The following SEMA4G variants were observed in gnomAD, a reference collection of about 807,000 sequenced individuals.
The protein encoded by SEMA4G is semaphorin 4G, also known as semaphorin-4G.
SEMA4G carries 59 observed loss-of-function variants against 81.2 expected under a neutral mutation model. That is an observed-to-expected ratio of 0.73 (90% CI 0.59 to 0.90). The LOEUF (loss-of-function observed/expected upper bound fraction) is 0.90, where lower values mean the gene tolerates loss of function less well. SEMA4G is among the 40% of genes least tolerant of loss of function. SEMA4G has a pLI of 0.00. For synonymous variants in SEMA4G, 404 were observed against 433.9 expected, an observed-to-expected ratio of 0.93 and a Z score of 0.86; for missense variants, 952 against 1,102.3, an observed-to-expected ratio of 0.86 and a Z score of 1.93.
At chr10:100,974,813 CA>C (rs1850729911) in intron 3 of SEMA4G, among the ~76,000 whole-genome samples, 1 of 151,852 alleles carries the variant, frequency 6.6e-6, no homozygotes, top group Non-Finnish European at 1.5e-5. Flanking sequence ...AGAGCTTTTA[CA>C]AAATAAACGG....
intron 11 of SEMA4G, 46 bp downstream of exon 12, chr10:100,980,739 A>G: frequency 6.2e-7 from 1 of 1,607,934 alleles, no homozygotes; most frequent in Non-Finnish European, 8.5e-7. Flanking sequence ...TGAAATAGGA[A>G]GAGGGAGTGG....
chr10:100,984,845 C>T, downstream of SEMA4G: 1 of 1,504,400 alleles, frequency 6.6e-7, no homozygotes, highest in Non-Finnish European at 8.9e-7. Flanking sequence ...CCTGTGTGGC[C>T]CTTGTGAATC....
At chr10:100,980,605 T>C (rs1427873810) in exon 11 of SEMA4G, 2 of 1,614,204 alleles carry the variant, frequency 1.2e-6, no homozygotes, top group African/African-American at 2.7e-5. Context: ...AAGGCCGTAG[T>C]CCTGGGCTCT....
exon 14 of SEMA4G, chr10:100,983,442 T>C (rs1315808916): frequency 6.2e-7 from 1 of 1,613,868 alleles, no homozygotes; most frequent in African/African-American, 1.3e-5. Flanking sequence ...GCAGGGTGGC[T>C]ACCGTGTGGG....
Position 100,980,770 on chromosome 10 carries a change from G to A in SEMA4G, c.1468-52G>A, listed in dbSNP as rs370698432. 49 of 1,601,924 alleles carry A rather than the reference G, an allele frequency of 3.1e-5. No homozygotes were observed. In the African/African-American group the frequency reaches 5.6e-4, roughly 18 times the overall value. ...AGTGGGGAGGTTGGGCAGAGGCTGTGTATCTGTATGAGTGGGGACGCTGCC... is the reference window on the plus strand; with the variant it reads ...AGTGGGGAGGTTGGGCAGAGGCTGTATATCTGTATGAGTGGGGACGCTGCC... On this transcript the variant is annotated intron_variant, in intron 11 of 13. Transcript: ENST00000370250.
chr10:100,979,893 G>A (rs964354750), exon 9 of SEMA4G: 4 of 1,614,112 alleles, frequency 2.5e-6, no homozygotes, highest in Non-Finnish European at 2.5e-6. Flanking sequence ...ACCTGGCAGA[G>A]ATCCAGGCTG....
At chr10:100,970,510 A>C (rs1286184262), upstream of SEMA4G, among the ~76,000 whole-genome samples, 3 of 151,626 alleles carry the variant, frequency 2.0e-5, no homozygotes, top group African/African-American at 4.9e-5. Context: ...CACCCATCCC[A>C]TCTGCCCATC....
intron 13 of SEMA4G, chr10:100,981,558 A>G (rs753237100): frequency 1.2e-6 from 2 of 1,613,674 alleles, no homozygotes; most frequent in South Asian, 2.2e-5. Context: ...AGAAAGAACA[A>G]AAGTTAATCA....
chr10:100,977,322 C>T (rs547124998), intron 3 of SEMA4G, among the ~76,000 whole-genome samples: 9 of 152,228 alleles, frequency 5.9e-5, no homozygotes, highest in East Asian at 5.8e-4. Context: ...AGGAGAAGCA[C>T]CTCAGGATGG....
At chr10:100,982,709 G>A (rs1319921703) in intron 13 of SEMA4G, among the ~76,000 whole-genome samples, 1 of 152,188 alleles carries the variant, frequency 6.6e-6, no homozygotes, top group South Asian at 2.1e-4. Flanking sequence ...AGATAATCGC[G>A]TGAACCAGGG....
exon 14 of SEMA4G, chr10:100,983,963 A>G: frequency 1.4e-6 from 2 of 1,431,574 alleles, no homozygotes; most frequent in South Asian, 1.1e-5. Context: ...GCTTGGTGGC[A>G]CTGCCCAGCC....
chr10:100,979,341 G>A, intron 8 of SEMA4G, 70 bp downstream of exon 9: 1 of 1,613,770 alleles, frequency 6.2e-7, no homozygotes, highest in Non-Finnish European at 8.5e-7. Context: ...GGTCAATGAG[G>A]ATGAGATAGG....
chr10:100,973,631 C>G lies in SEMA4G; in HGVS notation c.336+22C>G. On this transcript the variant is annotated intron_variant, in intron 3 of 13. Transcript: ENST00000370250. This position sits in a 1 kb window ranked among gnomAD's most constrained non-coding sequence, Gnocchi z 5.5. ...CCAGGTATGTGGTCTGCCCTGTCCCCAGCTCCTTTCCTCCCCTTCTTCCTC... is the reference window on the plus strand; with the variant it reads ...CCAGGTATGTGGTCTGCCCTGTCCCGAGCTCCTTTCCTCCCCTTCTTCCTC... 6.2e-7 allele frequency: 1 copy of G among 1,611,006 alleles called. No homozygotes were observed. The highest frequency in any genetic ancestry group is 8.5e-7 in the Non-Finnish European group (1 of 1,177,372).
upstream of SEMA4G, chr10:100,969,778 G>T: frequency 4.6e-6 from 2 of 439,388 alleles, no homozygotes; most frequent in South Asian, 3.2e-5. Flanking sequence ...GCTGCGCGGG[G>T]TGCAAACCGG....
exon 13 of SEMA4G, chr10:100,981,176 T>C (rs1358635527): frequency 6.2e-7 from 1 of 1,614,228 alleles, no homozygotes; most frequent in Non-Finnish European, 8.5e-7. Context: ...AGGACAGCAC[T>C]GATACAGGAC....
chr10:100,980,597 G>T (rs752382102), exon 11 of SEMA4G: 1 of 1,614,156 alleles, frequency 6.2e-7, no homozygotes, highest in Admixed American at 1.7e-5. Flanking sequence ...GGATCCACAA[G>T]GCCGTAGTCC....
upstream of SEMA4G, among the ~76,000 whole-genome samples, chr10:100,972,148 T>A (rs1228464717): frequency 6.6e-6 from 1 of 152,168 alleles, no homozygotes; most frequent in Non-Finnish European, 1.5e-5. Flanking sequence ...TAGGCCCTCC[T>A]GCATAAGGCA....
intron 13 of SEMA4G, 138 bp from the exon 15 acceptor site, chr10:100,983,167 A>ATGGAAG: frequency 1.9e-6 from 2 of 1,079,028 alleles, no homozygotes; most frequent in Non-Finnish European, 2.6e-6. Context: ...AAGCATGAGC[A>ATGGAAG]CAGAGCCTGG....
intron 3 of SEMA4G, among the ~76,000 whole-genome samples, chr10:100,974,407 G>A (rs1277346325): frequency 6.6e-6 from 1 of 152,016 alleles, no homozygotes. Context: ...GAGGCTGCGT[G>A]AGCTATAATT....
Sources: allele counts gnomAD v4.1 joint callset (sites outside exome capture counted in the v4.1 genomes callset), GRCh38; gene constraint gnomAD v4.1.1; non-coding constraint Gnocchi (gnomAD v3.1); transcripts MANE v1.5; gene names NCBI Gene and HGNC (gene_info 2026-07-23, HGNC 2026-07-21).